Variants in SULF1 observed in about 807,000 individuals in gnomAD.
SULF1 encodes sulfatase 1.
SULF1 carries 46 observed loss-of-function variants against 110.5 expected under a neutral mutation model. The observed-to-expected ratio is 0.42, with a 90% confidence interval of 0.33 to 0.53. The LOEUF is 0.53. SULF1 is among the 20% of genes least tolerant of loss of function. The pLI is 0.12. For missense variants in SULF1, 941 were observed against 1,094.2 expected (o/e 0.86, Z 1.98); for synonymous variants, 371 against 387.1 (o/e 0.96, Z 0.49).
chr8:69,578,387 T>C (rs1043181439), intron 6 of SULF1, among the ~76,000 whole-genome samples: 11 of 152,136 alleles, frequency 7.2e-5, no homozygotes, highest in African/African-American at 1.4e-4. Flanking sequence ...AGTTTTAGGG[T>C]ACATGTGCAC....
In SULF1 at chr8:69,603,256, A is replaced by G. The variant is rs1405512694; in HGVS notation, c.1126A>G (p.Thr376Ala). 6.2e-7 allele frequency: 1 copy of G among 1,613,998 alleles called. No individual in the cohort carries two copies. Among genetic ancestry groups the G allele is most frequent in the Non-Finnish European group, 8.5e-7 (1 of 1,180,020 alleles). Reference protein sequence around the residue: ...PTILDIAGLDTPPDVDGKSVL... With the variant: ...PTILDIAGLDAPPDVDGKSVL... ...GATCCTGGATATTGCTGGGCTCGAC[A>G]CACCTCCTGATGTGGACGGCAAGTC... The change falls in exon 11 of 23, where the codon ACA (threonine) becomes GCA (alanine). Residue 376 changes from threonine to alanine, a missense_variant. Coordinates refer to ENST00000402687, the MANE Select transcript of SULF1 (RefSeq NM_001128205.2).
chr8:69,621,322 G>A, intron 14 of SULF1, 71 bp downstream of exon 14: 1 of 1,124,912 alleles, frequency 8.9e-7, no homozygotes, highest in Non-Finnish European at 1.2e-6. Flanking sequence ...AGAGACGAAA[G>A]GGTTGCTCCT....
chr8:69,577,556 C>G (rs990374777), intron 6 of SULF1, among the ~76,000 whole-genome samples: 1 of 152,078 alleles, frequency 6.6e-6, no homozygotes, highest in African/African-American at 2.4e-5. Context: ...TTGGGACTCT[C>G]ACATATCCAG....
chr8:69,514,305 G>A (rs1434763318), intron 3 of SULF1, among the ~76,000 whole-genome samples: 6 of 152,186 alleles, frequency 3.9e-5, no homozygotes, highest in Admixed American at 2.6e-4. Context: ...AGGTGAAGGG[G>A]CAGCTGTCCT....
At chr8:69,573,112 C>T (rs1466834852) in intron 5 of SULF1, among the ~76,000 whole-genome samples, 1 of 152,226 alleles carries the variant, frequency 6.6e-6, no homozygotes, top group Non-Finnish European at 1.5e-5. Flanking sequence ...CAGGCATGAG[C>T]CACTGAGCCC....
In SULF1 at chr8:69,621,055, T is replaced by C. The variant is rs775468269; in HGVS notation, c.1398T>C (p.Asp466=). The change falls in exon 14 of 23, where the codon GAT becomes GAC. Residue 466 remains aspartate (D), a synonymous_variant. Transcript: ENST00000402687. ...TGCAGAAGTGGCAATGCATTGAGGA[T>C]ACATCTGGCAAGCTTCGAATTCACA... The part of the protein sequence containing the change: ...QPGQKWQCIE[D]TSGKLRIHKC... The C allele has an allele frequency of 2.5e-5, 41 of 1,611,492 alleles. No homozygotes were observed. The highest frequency in any genetic ancestry group is 3.5e-5 in the Non-Finnish European group (41 of 1,177,870).
chr8:69,525,394 C>A (rs1812588494), intron 3 of SULF1, among the ~76,000 whole-genome samples: 1 of 152,056 alleles, frequency 6.6e-6, no homozygotes, highest in African/African-American at 2.4e-5. Context: ...GAGTAAGTTT[C>A]CTTTTCGTGT....
intron 19 of SULF1, among the ~76,000 whole-genome samples, chr8:69,634,952 T>C (rs550699378): frequency 1.2e-3 from 187 of 152,262 alleles, no homozygotes; most frequent in Non-Finnish European, 2.2e-3. Flanking sequence ...CCTGCCACCA[T>C]GCCTGGTTAA....
intron 15 of SULF1, 35 bp downstream of exon 15, chr8:69,624,232 T>A: frequency 6.5e-7 from 1 of 1,534,092 alleles, no homozygotes; most frequent in Non-Finnish European, 8.8e-7. Context: ...AGGGTTGAGT[T>A]CAGAATTACC....
chr8:69,486,944 C>A (rs940651390), intron 1 of SULF1, among the ~76,000 whole-genome samples: 4 of 152,170 alleles, frequency 2.6e-5, no homozygotes, highest in African/African-American at 9.7e-5. Context: ...TTGATTTACA[C>A]GTCCTTGATT....
chr8:69,594,085 C>T (rs574457719), intron 8 of SULF1, among the ~76,000 whole-genome samples: 137 of 151,306 alleles, frequency 9.1e-4, no homozygotes, highest in South Asian at 1.5e-3. Context: ...GAGTTTCACT[C>T]TTGTTGCCCA....
chr8:69,598,453 G>A (rs968044152), intron 8 of SULF1, among the ~76,000 whole-genome samples: 17 of 151,926 alleles, frequency 1.1e-4, no homozygotes, highest in South Asian at 2.1e-4. Flanking sequence ...GTGCAGTGGC[G>A]CAATCTCGGC....
chr8:69,575,835 G>A, intron 5 of SULF1, 135 bp from the exon 6 acceptor site: 1 of 1,082,524 alleles, frequency 9.2e-7, no homozygotes, highest in Non-Finnish European at 1.3e-6. Context: ...AATGAGAGCT[G>A]ATCAAATTAT....
At chr8:69,577,162 T>A (rs1385197495) in intron 6 of SULF1, among the ~76,000 whole-genome samples, 1 of 152,224 alleles carries the variant, frequency 6.6e-6, no homozygotes, top group Non-Finnish European at 1.5e-5. Context: ...GCTCCTCCCG[T>A]GCATCTCAAG....
intron 15 of SULF1, 37 bp from the exon 16 acceptor site, chr8:69,627,173 A>C (rs776637276): frequency 1.3e-6 from 2 of 1,485,294 alleles, no homozygotes; most frequent in Non-Finnish European, 1.9e-6. Flanking sequence ...CTATTAGAAT[A>C]TAAACCTATT....
chr8:69,509,189 G>T (rs372304107), intron 3 of SULF1, among the ~76,000 whole-genome samples: 1 of 152,298 alleles, frequency 6.6e-6, no homozygotes, highest in African/African-American at 2.4e-5. Flanking sequence ...ATTACATGGT[G>T]ATCATTAGTT....
chr8:69,505,739 T>C lies in SULF1; in HGVS notation c.-134+3771T>C, dbSNP rs369510754. On this transcript the variant is annotated intron_variant, in intron 3 of 22. Coordinates refer to ENST00000402687, the MANE Select transcript of SULF1 (RefSeq NM_001128205.2). ...TCTTGCTGCAGAATATAGAGACCTA[T>C]ATTTGGGGGTGCTAAAAAGTAGACT... is the stretch of plus-strand genomic sequence containing the variant. Among the ~76,000 whole-genome samples the C allele has an allele frequency of 7.2e-5, 11 of 152,252 alleles. No homozygotes were observed. The East Asian group carries it at 2.1e-3, about 29-fold the overall frequency.
intron 3 of SULF1, among the ~76,000 whole-genome samples, chr8:69,518,527 C>G (rs1812083788): frequency 6.6e-6 from 1 of 152,034 alleles, no homozygotes. Flanking sequence ...GGGTTTTGTT[C>G]TGGCAGGCAG....
chr8:69,564,588 G>A (rs1190939189), intron 5 of SULF1, among the ~76,000 whole-genome samples: 1 of 152,186 alleles, frequency 6.6e-6, no homozygotes, highest in African/African-American at 2.4e-5. Flanking sequence ...TTCACAGTTT[G>A]TTATAGTAAT....
Sources: gnomAD v4.1 joint callset for allele counts (sites outside exome capture counted in the v4.1 genomes callset) on GRCh38, gnomAD v4.1.1 for gene constraint, MANE v1.5 for transcripts, NCBI Gene and HGNC (gene_info 2026-07-23, HGNC 2026-07-21) for gene names.